The following BCL2 variants were observed in gnomAD, a reference collection of about 807,000 sequenced individuals.
BCL2 encodes the protein BCL2 apoptosis regulator.
BCL2 carries 1 observed loss-of-function variant against 14.2 expected under a neutral mutation model. The observed-to-expected ratio is 0.07, with a 90% CI of 0.02 to 0.33. BCL2 has a LOEUF of 0.33. Ranked by LOEUF, BCL2 falls within the 10% of genes least tolerant of loss-of-function variation. The probability of loss-of-function intolerance (pLI) is 0.99; values close to 1 mark genes in which losing one functional copy is unlikely to be tolerated. For missense variants in BCL2, 247 were observed against 305.9 expected (o/e 0.81, Z 1.44); for synonymous variants, 151 against 137.2 (o/e 1.10, Z -0.70).
intron 2 of BCL2, among the ~76,000 whole-genome samples, chr18:63,280,745 T>C (rs1245837507): frequency 3.3e-5 from 5 of 152,160 alleles, no homozygotes; most frequent in Non-Finnish European, 7.3e-5. Context: ...AAATGTAAAA[T>C]GGTGCAGCTT....
chr18:63,312,205 C>G (rs1016517077), intron 2 of BCL2, among the ~76,000 whole-genome samples: 1 of 152,184 alleles, frequency 6.6e-6, no homozygotes, highest in Admixed American at 6.5e-5. Flanking sequence ...GTAAATCCTA[C>G]CCATCACTAA....
chr18:63,213,706 C>T (rs908423269), intron 2 of BCL2, among the ~76,000 whole-genome samples: 2 of 152,154 alleles, frequency 1.3e-5, no homozygotes, highest in African/African-American at 2.4e-5. Flanking sequence ...ATGATGAAAT[C>T]ACACTCCAGA....
intron 2 of BCL2, among the ~76,000 whole-genome samples, chr18:63,204,130 A>G (rs922553280): frequency 1.3e-5 from 2 of 152,248 alleles, no homozygotes; most frequent in East Asian, 3.8e-4. Flanking sequence ...TACCCTGCTC[A>G]CATATGAACT....
chr18:63,270,881 G>A (rs938881255), intron 2 of BCL2, among the ~76,000 whole-genome samples: 2 of 151,762 alleles, frequency 1.3e-5, no homozygotes, highest in Non-Finnish European at 2.9e-5. Context: ...ACGGTGGTGC[G>A]ATCTCAGCTC....
At chr18:63,134,952 A>G (rs1016246894) in intron 2 of BCL2, among the ~76,000 whole-genome samples, 7 of 152,222 alleles carry the variant, frequency 4.6e-5, no homozygotes, top group Admixed American at 3.3e-4. Flanking sequence ...GGTTAGGAAG[A>G]AAAAAGGAAA....
intron 2 of BCL2, among the ~76,000 whole-genome samples, chr18:63,144,849 C>T (rs923044179): frequency 1.3e-5 from 2 of 152,250 alleles, no homozygotes; most frequent in South Asian, 4.1e-4. Context: ...GAGAAACCAC[C>T]AGTCACAGGA....
chr18:63,252,237 T>C (rs1199323059), intron 2 of BCL2, among the ~76,000 whole-genome samples: 1 of 152,216 alleles, frequency 6.6e-6, no homozygotes, highest in Non-Finnish European at 1.5e-5. Context: ...AAACAAAACC[T>C]GTTAAAACTT....
intron 2 of BCL2, among the ~76,000 whole-genome samples, chr18:63,222,779 T>A (rs990194605): frequency 6.6e-6 from 1 of 152,194 alleles, no homozygotes; most frequent in East Asian, 1.9e-4. Context: ...GATGACCTTT[T>A]AAAAGACATA....
At chr18:63,236,063 T>C (rs929697405) in intron 2 of BCL2, among the ~76,000 whole-genome samples, 2 of 152,090 alleles carry the variant, frequency 1.3e-5, no homozygotes, top group African/African-American at 4.8e-5. Context: ...GGTGGGTTTT[T>C]CCCAAGTTCT....
chr18:63,165,347 G>A (rs2144622903), intron 2 of BCL2, among the ~76,000 whole-genome samples: 1 of 152,300 alleles, frequency 6.6e-6, no homozygotes, highest in South Asian at 2.1e-4. Context: ...CTCTCTCTGG[G>A]TTTGCTGCTG....
At chr18:63,262,583 C>T (rs1340341749) in intron 2 of BCL2, among the ~76,000 whole-genome samples, 1 of 152,124 alleles carries the variant, frequency 6.6e-6, no homozygotes, top group Admixed American at 6.6e-5. Flanking sequence ...AGTTCACCAC[C>T]CAGCTCATGG....
chr18:63,246,089 T>G (rs573463854), intron 2 of BCL2, among the ~76,000 whole-genome samples: 39 of 152,222 alleles, frequency 2.6e-4, no homozygotes, highest in Non-Finnish European at 5.0e-4. Flanking sequence ...ACCAGCATCC[T>G]GCATTACAAC....
chr18:63,289,161 C>T (rs896967426), intron 2 of BCL2, among the ~76,000 whole-genome samples: 2 of 152,040 alleles, frequency 1.3e-5, no homozygotes, highest in African/African-American at 4.8e-5. Context: ...TAGAAAACAG[C>T]CCCGGGCCTC....
At chr18:63,192,440 G>A (rs1909314578) in intron 2 of BCL2, among the ~76,000 whole-genome samples, 2 of 152,196 alleles carry the variant, frequency 1.3e-5, no homozygotes, top group South Asian at 4.1e-4. Flanking sequence ...CAGATCGAGA[G>A]CCTGGATATT....
chr18:63,318,817 G>C lies in BCL2; in HGVS notation c.-151C>G, dbSNP rs1913599125. The C allele has an allele frequency of 6.9e-7, 1 of 1,440,520 alleles. No homozygotes were observed. Among genetic ancestry groups the C allele is most frequent in the Non-Finnish European group, 9.1e-7 (1 of 1,095,872 alleles). 89.2% of individuals were successfully genotyped at this position (1,440,520 alleles called of 1,614,324 possible). On this transcript the variant is annotated 5_prime_UTR_variant, in exon 2 of 3. Coordinates refer to ENST00000333681, the MANE Select transcript of BCL2 (RefSeq NM_000633.3). The surrounding 1 kb of genome is among the most constrained non-coding windows in gnomAD (Gnocchi z 7.4). The stretch of plus-strand genomic sequence containing the variant: ...ACGAGGGGGTGTCTTCAATCACGCG[G>C]AACACTTGATTCTGGTGTTTCCCCC...
intron 2 of BCL2, among the ~76,000 whole-genome samples, chr18:63,142,957 T>A (rs1326460744): frequency 6.6e-6 from 1 of 152,352 alleles, no homozygotes; most frequent in African/African-American, 2.4e-5. Context: ...CAGACCTCTC[T>A]ATCACAAGGA....
chr18:63,183,324 A>T (rs1349368056), intron 2 of BCL2, among the ~76,000 whole-genome samples: 1 of 152,114 alleles, frequency 6.6e-6, no homozygotes, highest in African/African-American at 2.4e-5. Context: ...TTGCTCCAGG[A>T]GAGGAAAATG....
intron 2 of BCL2, among the ~76,000 whole-genome samples, chr18:63,188,446 C>T (rs1407198982): frequency 1.2e-4 from 18 of 152,166 alleles, no homozygotes; most frequent in Non-Finnish European, 1.5e-5. Context: ...CTAGTGCCAT[C>T]ATCATTATCT....
intron 2 of BCL2, among the ~76,000 whole-genome samples, chr18:63,160,149 T>A (rs1183770724): frequency 6.6e-6 from 1 of 152,230 alleles, no homozygotes; most frequent in Non-Finnish European, 1.5e-5. Context: ...ATTATTTGCA[T>A]CTGAATATTT....
Sources: gnomAD v4.1 joint callset for allele counts (sites outside exome capture counted in the v4.1 genomes callset) on GRCh38, gnomAD v4.1.1 for gene constraint, Gnocchi (gnomAD v3.1) non-coding constraint, MANE v1.5 for transcripts, NCBI Gene and HGNC (gene_info 2026-07-23, HGNC 2026-07-21) for gene names.